Variants in OR13C3 observed in about 807,000 individuals in gnomAD.
OR13C3 encodes olfactory receptor 13C3.
Under a neutral mutation model 14.4 loss-of-function variants are expected in OR13C3, and 19 were observed. That is an observed-to-expected ratio of 1.31 (90% CI 0.92 to 1.93). The LOEUF is 1.93. Ranked by LOEUF, OR13C3 falls within the 30% of genes most tolerant of loss-of-function variation. The probability of loss-of-function intolerance (pLI) is 0.00; values close to 1 mark genes in which losing one functional copy is unlikely to be tolerated. For missense variants in OR13C3, 394 were observed against 381.4 expected, an observed-to-expected ratio of 1.03 and a Z score of -0.27; for synonymous variants, 140 against 142.5, an observed-to-expected ratio of 0.98 and a Z score of 0.12.
exon 1 of OR13C3, chr9:104,536,028 T>C (rs776966241): frequency 1.9e-6 from 3 of 1,614,086 alleles, no homozygotes; most frequent in African/African-American, 1.3e-5. Flanking sequence ...TGCGTCTTCC[T>C]GTGGCTGAAT....
chr9:104,536,192 C>T (rs771132840), exon 1 of OR13C3: 21 of 1,613,844 alleles, frequency 1.3e-5, no homozygotes, highest in African/African-American at 6.7e-5. Context: ...ATTTCACATG[C>T]GAAATGATTG....
chr9:104,535,819 TC>T lies in OR13C3; in HGVS notation c.904del (p.Asp302MetfsTer2). On this transcript the variant is annotated frameshift_variant, in exon 1 of 1. Transcript: ENST00000641090. LOFTEE classifies it high-confidence loss of function. ...CAAATATTTTACAGCAGCTTTTACATCCTTATTTCTCAAGCTATAGAGTATA... is the reference window on the plus strand; with the variant it reads ...CAAATATTTTACAGCAGCTTTTACATCTTATTTCTCAAGCTATAGAGTATA... 1 of 1,613,284 alleles carries T rather than the reference TC, an allele frequency of 6.2e-7. No individual in the cohort carries two copies. The highest frequency in any genetic ancestry group is 8.5e-7 in the Non-Finnish European group (1 of 1,179,526).
chr9:104,536,826 T>C lies in OR13C3; in HGVS notation c.-103A>G. 6.3e-7 allele frequency: 1 copy of C among 1,584,158 alleles called. No individual in the cohort carries two copies. The highest frequency in any genetic ancestry group is 8.6e-7 in the Non-Finnish European group (1 of 1,158,292). Reference sequence around the variant, plus strand: ...ACTGAACAATCATTCTTTTGACACATATTAGAAGGAGTGCTTGCTTGAAGT... The same window carrying C: ...ACTGAACAATCATTCTTTTGACACACATTAGAAGGAGTGCTTGCTTGAAGT... On this transcript the variant is annotated 5_prime_UTR_variant, in exon 1 of 1. It adds an upstream start codon to the 5' untranslated region. Coordinates refer to ENST00000641090, the Ensembl canonical transcript of OR13C3.
At chr9:104,536,823 A>G (rs1442579616) in exon 1 of OR13C3, 1 of 1,592,140 alleles carries the variant, frequency 6.3e-7, no homozygotes, top group Admixed American at 1.7e-5. Flanking sequence ...TTCTTTTGAC[A>G]CATATTAGAA....
chr9:104,536,802 C>G, exon 1 of OR13C3: 1 of 1,608,984 alleles, frequency 6.2e-7, no homozygotes, highest in Non-Finnish European at 8.5e-7. Context: ...TACAAATTAA[C>G]TGAACAATCA....
chr9:104,536,060 G>A, exon 1 of OR13C3: 1 of 1,614,050 alleles, frequency 6.2e-7, no homozygotes, highest in South Asian at 1.1e-5. Flanking sequence ...ATGGTGTAGA[G>A]GATGAACATA....
chr9:104,536,697 C>T (rs1564208864), exon 1 of OR13C3: 3 of 1,613,982 alleles, frequency 1.9e-6, no homozygotes, highest in African/African-American at 1.3e-5. Context: ...GAAATTCTGA[C>T]ACAAGTGTCT....
At chr9:104,536,819 T>C (rs1186756465) in exon 1 of OR13C3, 1 of 1,599,148 alleles carries the variant, frequency 6.3e-7, no homozygotes, top group South Asian at 1.1e-5. Flanking sequence ...ATCATTCTTT[T>C]GACACATATT....
chr9:104,536,166 C>G lies in OR13C3; in HGVS notation c.558G>C (p.Lys186Asn), dbSNP rs765087834. 3.1e-6 allele frequency: 5 copies of G among 1,614,098 alleles called. No homozygotes were observed. In the Admixed American group the frequency reaches 8.3e-5, roughly 27 times the overall value. The stretch of plus-strand genomic sequence containing the variant: ...TGAGGGATATATCAGCACAGGCCAG[C>G]TTGAGGACAGCTAATATTTCACATG... The change falls in exon 1 of 1, where the codon AAG becomes AAC. Residue 186 changes from lysine to asparagine, a missense_variant. Physicochemically the swap from Lys to Asn is moderately conservative, Grantham distance 94. Coordinates refer to ENST00000641090, the Ensembl canonical transcript of OR13C3.
At chr9:104,536,413 C>T in exon 1 of OR13C3, 1 of 1,614,076 alleles carries the variant, frequency 6.2e-7, no homozygotes, top group South Asian at 1.1e-5. Flanking sequence ...CATTGCAAAC[C>T]CAAAGAACAT....
In OR13C3 at chr9:104,536,156, C is replaced by T. The variant is rs760323718; in HGVS notation, c.568G>A (p.Ala190Thr). Residue 190 changes from alanine (A) to threonine (T), a missense_variant, in exon 1 of 1, where the codon GCT (alanine) becomes ACT (threonine). Transcript: ENST00000641090. ...GTGATAATATTGAGGGATATATCAG[C>T]ACAGGCCAGCTTGAGGACAGCTAAT... 1.4e-5 allele frequency: 22 copies of T among 1,613,934 alleles called. No homozygotes were observed. The highest frequency in any genetic ancestry group is 5.0e-5 in the Admixed American group (3 of 59,986).
exon 1 of OR13C3, chr9:104,536,739 G>A: frequency 6.2e-7 from 1 of 1,613,600 alleles, no homozygotes; most frequent in South Asian, 1.1e-5. Flanking sequence ...CTGCTTTCAG[G>A]AAATCAAAAG....
At chr9:104,536,189 A>G in exon 1 of OR13C3, 1 of 1,614,166 alleles carries the variant, frequency 6.2e-7, no homozygotes, top group Non-Finnish European at 8.5e-7. Context: ...AATATTTCAC[A>G]TGCGAAATGA....
exon 1 of OR13C3, chr9:104,536,560 A>T (rs1828820527): frequency 1.2e-6 from 2 of 1,614,056 alleles, no homozygotes; most frequent in Non-Finnish European, 1.7e-6. Flanking sequence ...TGGTGTGTGA[A>T]AATGAGAATC....
chr9:104,536,206 ATAT>A (rs762264641), exon 1 of OR13C3: 1 of 1,614,126 alleles, frequency 6.2e-7, no homozygotes, highest in Non-Finnish European at 8.5e-7. Context: ...ATGATTGATA[ATAT>A]TATTCCCACA....
chr9:104,536,274 C>G, exon 1 of OR13C3: 1 of 1,614,110 alleles, frequency 6.2e-7, no homozygotes, highest in Non-Finnish European at 8.5e-7. Context: ...TTCCACCGGA[C>G]AGCCAGGACA....
exon 1 of OR13C3, chr9:104,536,128 A>G (rs1215174135): frequency 9.9e-6 from 16 of 1,613,864 alleles, no homozygotes; most frequent in Non-Finnish European, 1.4e-5. Context: ...TGATATCACC[A>G]TGGTGATAAT....
exon 1 of OR13C3, chr9:104,536,404 A>G (rs1209072633): frequency 1.2e-6 from 2 of 1,614,168 alleles, no homozygotes; most frequent in Admixed American, 1.7e-5. Flanking sequence ...TGTTGACCCC[A>G]TTGCAAACCC....
At chr9:104,536,544 G>A (rs1394892649) in exon 1 of OR13C3, 1 of 1,614,158 alleles carries the variant, frequency 6.2e-7, no homozygotes, top group South Asian at 1.1e-5. Flanking sequence ...CCAGGAAGAA[G>A]TACATTGGTG....
Sources: gnomAD v4.1 joint callset for allele counts on GRCh38, gnomAD v4.1.1 for gene constraint, MANE v1.5 for transcripts, NCBI Gene and HGNC (gene_info 2026-07-23, HGNC 2026-07-21) for gene names.